SNX9: variants seen among roughly 807,000 people sequenced by gnomAD.
SNX9 encodes the protein sorting nexin-9.
SNX9 carries 44 observed loss-of-function variants against 89.4 expected under a neutral mutation model. The ratio of observed to expected loss-of-function variants is 0.49; its 90% CI spans 0.39 to 0.63. SNX9 has a LOEUF of 0.63. Ranked by LOEUF, SNX9 falls within the 30% of genes least tolerant of loss-of-function variation. SNX9 has a pLI of 0.00. For missense variants in SNX9, 578 were observed against 736.1 expected (o/e 0.79, Z 2.49); for synonymous variants, 236 against 247.8 (o/e 0.95, Z 0.45).
At chr6:157,859,388 T>C (rs933741729) in intron 1 of SNX9, among the ~76,000 whole-genome samples, 27 of 152,260 alleles carry the variant, frequency 1.8e-4, no homozygotes, top group African/African-American at 6.3e-4. Context: ...TTTTTGACCA[T>C]GTATTCATTC....
chr6:157,836,236 CTT>C (rs1781580632), intron 1 of SNX9, among the ~76,000 whole-genome samples: 1 of 152,062 alleles, frequency 6.6e-6, no homozygotes, highest in African/African-American at 2.4e-5. Context: ...AGCCATTACC[CTT>C]TTTGATAAGT....
At chr6:157,842,523 TAGTC>T (rs1781722717) in intron 1 of SNX9, among the ~76,000 whole-genome samples, 2 of 152,208 alleles carry the variant, frequency 1.3e-5, no homozygotes, top group African/African-American at 4.8e-5. Flanking sequence ...CTGAGTTTGT[TAGTC>T]AGTCTCCCCG....
intron 1 of SNX9, among the ~76,000 whole-genome samples, chr6:157,850,607 T>C (rs773766892): frequency 5.9e-5 from 9 of 152,152 alleles, no homozygotes; most frequent in Non-Finnish European, 1.2e-4. Context: ...TTCCACTTTC[T>C]GAAGTTGGGG....
rs552271868 is a variant in SNX9 at position 157,898,617 on chromosome 6, T to C, written c.472+1619T>C. Among the ~76,000 whole-genome samples the C allele has an allele frequency of 4.6e-5, 7 of 152,286 alleles. No individual in the cohort carries two copies. The South Asian group carries it at 1.5e-3, about 32-fold the overall frequency. Reference sequence around the variant, plus strand: ...TGTTTGACTAGGCTATGAATAGAAATACTGAGGCAGAAGAGAAATGTGTGG... The same window carrying C: ...TGTTTGACTAGGCTATGAATAGAAACACTGAGGCAGAAGAGAAATGTGTGG... On this transcript the variant is annotated intron_variant, in intron 5 of 17. Transcript: ENST00000392185.
chr6:157,934,998 ATAAT>A (rs139384413), intron 13 of SNX9, among the ~76,000 whole-genome samples: 2,264 of 152,346 alleles, frequency 0.015, 59 homozygotes, highest in African/African-American at 0.051. Context: ...AGTGAAAATA[ATAAT>A]TAATGTGGAA....
At chr6:157,876,014 A>G (rs1002820781) in intron 4 of SNX9, among the ~76,000 whole-genome samples, 1 of 152,044 alleles carries the variant, frequency 6.6e-6, no homozygotes, top group Non-Finnish European at 1.5e-5. Flanking sequence ...GAATTAAAAT[A>G]TTGTTAACTG....
chr6:157,899,354 G>A (rs1393738621), intron 5 of SNX9, among the ~76,000 whole-genome samples: 2 of 152,034 alleles, frequency 1.3e-5, no homozygotes, highest in Admixed American at 1.3e-4. Context: ...GAATTAAAGG[G>A]TATTCTGCTT....
intron 12 of SNX9, 125 bp from the exon 13 acceptor site, chr6:157,932,070 T>C: frequency 1.4e-6 from 1 of 733,468 alleles, no homozygotes; most frequent in East Asian, 2.7e-5. Context: ...CAACAGTATT[T>C]TGTGAAGGAA....
chr6:157,920,698 G>A (rs1783566200), intron 9 of SNX9, among the ~76,000 whole-genome samples: 1 of 152,184 alleles, frequency 6.6e-6, no homozygotes, highest in Non-Finnish European at 1.5e-5. Flanking sequence ...TGAGGGGTAG[G>A]GTTAGCTGAT....
chr6:157,870,332 G>GCTCACACTCACACTCATGCT (rs1782372641), intron 2 of SNX9, among the ~76,000 whole-genome samples: 2 of 146,670 alleles, frequency 1.4e-5, no homozygotes, highest in South Asian at 4.4e-4. Flanking sequence ...TCTCACCTGC[G>GCTCACACTCACACTCATGCT]CTCACACTCA....
intron 1 of SNX9, among the ~76,000 whole-genome samples, chr6:157,834,149 G>GGTTTTTT (rs1781528746): frequency 1.7e-5 from 1 of 60,086 alleles, no homozygotes; most frequent in East Asian, 4.1e-4. Flanking sequence ...TGTCCACTGT[G>GGTTTTTT]GTTTTTTTTT....
At position 157,942,901 on chromosome 6, in the gene SNX9, A is replaced by C. The variant is rs1784072392; in HGVS notation, c.*63A>C. 6.6e-7 allele frequency: 1 copy of C among 1,509,786 alleles called. No homozygotes were observed. Among genetic ancestry groups the C allele is most frequent in the Admixed American group, 2.2e-5 (1 of 45,616 alleles). The allele number at this position is 1,509,786 out of a possible 1,614,324, so 93.5% of individuals were successfully genotyped here. A position where few individuals can be genotyped will look rare whatever the true frequency, so the allele number is the denominator to read the frequency against. On this transcript the variant is annotated 3_prime_UTR_variant, in exon 18 of 18. Transcript: ENST00000392185. The stretch of plus-strand genomic sequence containing the variant: ...TCCTGACTTGGGGCAATGCAATTCA[A>C]AACTTTTTTTCCCCTATTATTCAGA...
At chr6:157,896,765 T>C in intron 4 of SNX9, 62 bp from the exon 5 acceptor site, 3 of 1,576,390 alleles carry the variant, frequency 1.9e-6, no homozygotes, top group Non-Finnish European at 2.6e-6. Flanking sequence ...AGTTCATTAT[T>C]GAATTGAGTC....
In SNX9 at chr6:157,837,826, G is replaced by A. The variant is rs116212253; in HGVS notation, c.12+14380G>A. Among the ~76,000 whole-genome samples the A allele has an allele frequency of 5.2e-3, 798 of 152,272 alleles. 6 individuals carry two copies. Among genetic ancestry groups the A allele is most frequent in the African/African-American group, 0.017 (727 of 41,550 alleles). On this transcript the variant is annotated intron_variant, in intron 1 of 17. Transcript: ENST00000392185. Reference sequence around the variant, plus strand: ...GCAGCAGATCGTGAAGCCGTCGTTGGCATTTAAACAAGGTGGCAACTGAAC... The same window carrying A: ...GCAGCAGATCGTGAAGCCGTCGTTGACATTTAAACAAGGTGGCAACTGAAC...
At chr6:157,876,914 C>T (rs1782532540) in intron 4 of SNX9, among the ~76,000 whole-genome samples, 1 of 152,200 alleles carries the variant, frequency 6.6e-6, no homozygotes, top group African/African-American at 2.4e-5. Flanking sequence ...CCAAGTGTTG[C>T]CTAGGAGCAA....
intron 4 of SNX9, among the ~76,000 whole-genome samples, chr6:157,878,252 C>T (rs764208165): frequency 6.6e-6 from 1 of 152,178 alleles, no homozygotes; most frequent in South Asian, 2.1e-4. Context: ...TCAGCCAAAA[C>T]GCAGTTCAGC....
rs200644343 is a variant in SNX9 at position 157,888,179 on chromosome 6, C to G, written c.301-8648C>G. On this transcript the variant is annotated intron_variant, in intron 4 of 17. Transcript: ENST00000392185. Reference sequence around the variant, plus strand: ...GCTTTGCTGATTTTGTCTGGACTCTCTCACATACATGTCTAATGCCTCTGA... The same window carrying G: ...GCTTTGCTGATTTTGTCTGGACTCTGTCACATACATGTCTAATGCCTCTGA... Among the ~76,000 whole-genome samples the G allele has an allele frequency of 3.9e-5, 6 of 152,330 alleles. No homozygotes were observed. In the East Asian group the frequency reaches 1.2e-3, roughly 29 times the overall value.
At chr6:157,918,767 G>A (rs1783523861) in intron 9 of SNX9, among the ~76,000 whole-genome samples, 1 of 151,916 alleles carries the variant, frequency 6.6e-6, no homozygotes, top group South Asian at 2.1e-4. Flanking sequence ...TTTCATAGTG[G>A]TTGCCCTAAG....
At chr6:157,825,320 G>A (rs1290359165) in intron 1 of SNX9, among the ~76,000 whole-genome samples, 1 of 152,186 alleles carries the variant, frequency 6.6e-6, no homozygotes, top group Non-Finnish European at 1.5e-5. Flanking sequence ...TCTAGTGGTG[G>A]TCAGTGTGTT....
Sources: gnomAD v4.1 joint callset for allele counts (sites outside exome capture counted in the v4.1 genomes callset) on GRCh38, gnomAD v4.1.1 for gene constraint, MANE v1.5 for transcripts, NCBI Gene and HGNC (gene_info 2026-07-23, HGNC 2026-07-21) for gene names.